The following NCBP3 variants were observed in gnomAD, a reference collection of about 807,000 sequenced individuals.
NCBP3 encodes nuclear cap-binding protein subunit 3.
Under a neutral mutation model 75.7 loss-of-function variants are expected in NCBP3, and 20 were observed. The ratio of observed to expected loss-of-function variants is 0.26; its 90% confidence interval spans 0.19 to 0.38. NCBP3 has a LOEUF of 0.38. NCBP3 is among the 10% of genes least tolerant of loss of function. The pLI is 1.00. For synonymous variants in NCBP3, 293 were observed against 290.5 expected (o/e 1.01, Z -0.09); for missense variants, 678 against 796.9 (o/e 0.85, Z 1.80).
intron 2 of NCBP3, among the ~76,000 whole-genome samples, chr17:3,841,601 TC>T (rs778619624): frequency 5.8e-5 from 8 of 139,066 alleles, no homozygotes; most frequent in Non-Finnish European, 1.3e-4. Context: ...CAATTCTCTC[TC>T]TTTTTTTTTT....
At chr17:3,820,347 T>C (rs1339749678) in intron 9 of NCBP3, among the ~76,000 whole-genome samples, 1 of 152,242 alleles carries the variant, frequency 6.6e-6, no homozygotes, top group Non-Finnish European at 1.5e-5. Context: ...CCCATTACAA[T>C]GATAAATGTG....
chr17:3,818,595 C>T lies in NCBP3; in HGVS notation c.1001-23G>A. Reference sequence around the variant, plus strand: ...GCCCTGAAGAAATTTAACCAGAAAACATTAGGAAAAGCACTAAAATTAACA... The same window carrying T: ...GCCCTGAAGAAATTTAACCAGAAAATATTAGGAAAAGCACTAAAATTAACA... On this transcript the variant is annotated intron_variant, in intron 9 of 12. Coordinates refer to ENST00000389005, the MANE Select transcript of NCBP3 (RefSeq NM_001114118.3). This position sits in a 1 kb window ranked among gnomAD's most constrained non-coding sequence, Gnocchi z 4.7. The T allele has an allele frequency of 6.3e-7, 1 of 1,575,058 alleles. No individual in the cohort carries two copies. Among genetic ancestry groups the T allele is most frequent in the Non-Finnish European group, 8.6e-7 (1 of 1,166,362 alleles).
chr17:3,826,319 G>C (rs2053782733), intron 4 of NCBP3, 104 bp from the exon 5 acceptor site: 1 of 1,104,370 alleles, frequency 9.1e-7, no homozygotes, highest in South Asian at 1.7e-5. Context: ...TCTAGCAACA[G>C]ATTATCATCA....
intron 4 of NCBP3, among the ~76,000 whole-genome samples, chr17:3,828,201 G>T (rs186051555): frequency 2.0e-5 from 3 of 152,308 alleles, no homozygotes; most frequent in African/African-American, 7.2e-5. Context: ...TTACAGGCCT[G>T]AGCCACCGTG....
chr17:3,842,635 T>C (rs1385183762), intron 2 of NCBP3, among the ~76,000 whole-genome samples: 1 of 152,186 alleles, frequency 6.6e-6, no homozygotes, highest in African/African-American at 2.4e-5. Context: ...GCCTGTACCG[T>C]TTCAGGATGC....
At chr17:3,838,333 G>A (rs1175097550) in intron 3 of NCBP3, among the ~76,000 whole-genome samples, 8 of 152,268 alleles carry the variant, frequency 5.3e-5, no homozygotes, top group Non-Finnish European at 1.0e-4. Context: ...AGGTCGACAG[G>A]TGTGATAAAG....
intron 12 of NCBP3, among the ~76,000 whole-genome samples, chr17:3,813,585 G>A (rs550880174): frequency 4.6e-5 from 7 of 152,310 alleles, no homozygotes; most frequent in African/African-American, 1.7e-4. Flanking sequence ...GCCCTTCCCT[G>A]CTGAGACACC....
chr17:3,826,664 G>A (rs566126483), intron 4 of NCBP3, among the ~76,000 whole-genome samples: 10 of 142,196 alleles, frequency 7.0e-5, no homozygotes, highest in Non-Finnish European at 1.2e-4. Context: ...AAATAAAAAA[G>A]AAAGAAAGAA....
chr17:3,815,263 A>G (rs752856027), intron 11 of NCBP3, among the ~76,000 whole-genome samples: 8 of 152,194 alleles, frequency 5.3e-5, no homozygotes, highest in South Asian at 2.1e-4. Context: ...GTTACTTCTC[A>G]TGTAAAAAAA....
chr17:3,826,723 GGAGA>G (rs1277030116), intron 4 of NCBP3, among the ~76,000 whole-genome samples: 1 of 146,526 alleles, frequency 6.8e-6, no homozygotes, highest in African/African-American at 2.6e-5. Context: ...AAGGAAGGAA[GGAGA>G]GAGAGAGATG....
Position 3,812,533 on chromosome 17 carries a change from G to C in NCBP3, c.*511C>G. ...TGCACCTCTGAGGTCAGGTCCGTGA[G>C]ATTCGCCCCACACTAGGGTCCCGGA... On this transcript the variant is annotated 3_prime_UTR_variant, in exon 13 of 13. Transcript: ENST00000389005. 1 of 1,001,248 alleles carries C rather than the reference G, an allele frequency of 1.0e-6. No individual in the cohort carries two copies. Among genetic ancestry groups the C allele is most frequent in the Non-Finnish European group, 1.2e-6 (1 of 839,302 alleles). 62.0% of individuals were successfully genotyped at this position (1,001,248 alleles called of 1,614,324 possible).
At chr17:3,845,532 C>A (rs1346292059) in intron 1 of NCBP3, among the ~76,000 whole-genome samples, 1 of 152,142 alleles carries the variant, frequency 6.6e-6, no homozygotes, top group Non-Finnish European at 1.5e-5. Flanking sequence ...CCCGAAGTCA[C>A]GACAGAAACA....
At position 3,832,499 on chromosome 17, in the gene NCBP3, CAG is replaced by C. The variant is rs1373494862; in HGVS notation, c.356-3133_356-3132del. Among the ~76,000 whole-genome samples the C allele has an allele frequency of 5.9e-5, 7 of 119,286 alleles. 3 individuals carry two copies. The East Asian group carries it at 1.3e-3, about 23-fold the overall frequency. 78.3% of individuals were successfully genotyped at this position (119,286 alleles called of 152,430 possible). ...CAAAACAATTAGCCAGGTGTGGTGG[CAG>C]GCACCTGTAGTCCCAGCTACTCGGG... On this transcript the variant is annotated intron_variant, in intron 3 of 12. Transcript: ENST00000389005.
chr17:3,808,106 T>C lies in NCBP3; in HGVS notation c.*4938A>G, dbSNP rs1233987196. 6.6e-6 allele frequency: 1 copy of C among 152,252 alleles called. No homozygotes were observed. Among genetic ancestry groups the C allele is most frequent in the Admixed American group, 6.5e-5 (1 of 15,286 alleles). 9.4% of individuals were successfully genotyped at this position (152,252 alleles called of 1,614,324 possible). On this transcript the variant is annotated 3_prime_UTR_variant, in exon 13 of 13. Transcript: ENST00000389005. The stretch of plus-strand genomic sequence containing the variant: ...GGCCCGGGCAAGCTCATGCCTCTGC[T>C]GCACCTGCGGCCTGCCTCAGTTCCC...
In NCBP3 at chr17:3,812,372, TA is replaced by T; in HGVS notation, c.*671del. 4.9e-6 allele frequency: 2 copies of T among 405,672 alleles called. No individual in the cohort carries two copies. Among genetic ancestry groups the T allele is most frequent in the Non-Finnish European group, 6.7e-6 (2 of 299,552 alleles). The allele number at this position is 405,672 out of a possible 1,614,324, so 25.1% of individuals were successfully genotyped here. Reference sequence around the variant, plus strand: ...TCCAGACGTCACAGTTTTTTGTTCCTAAAAATCCCACAGCACTGAACTTGAT... The same window carrying T: ...TCCAGACGTCACAGTTTTTTGTTCCTAAAATCCCACAGCACTGAACTTGAT... On this transcript the variant is annotated 3_prime_UTR_variant, in exon 13 of 13. Transcript: ENST00000389005.
Position 3,811,213 on chromosome 17 carries a change from G to A in NCBP3, c.*1831C>T, listed in dbSNP as rs1179540989. The A allele has an allele frequency of 3.9e-5, 6 of 152,436 alleles. No homozygotes were observed. The highest frequency in any genetic ancestry group is 1.4e-4 in the African/African-American group (6 of 41,540). 9.4% of individuals were successfully genotyped at this position (152,436 alleles called of 1,614,324 possible). A position where few individuals can be genotyped will look rare whatever the true frequency, so the allele number is the denominator to read the frequency against. On this transcript the variant is annotated 3_prime_UTR_variant, in exon 13 of 13. Coordinates refer to ENST00000389005, the MANE Select transcript of NCBP3 (RefSeq NM_001114118.3). Reference sequence around the variant, plus strand: ...TCAACTGCTAGACGGGAAAACTGAGGCCCAGGTCCATGGAGCAGAGCCAGG... The same window carrying A: ...TCAACTGCTAGACGGGAAAACTGAGACCCAGGTCCATGGAGCAGAGCCAGG...
chr17:3,816,390 A>G, intron 10 of NCBP3, 120 bp from the exon 11 acceptor site: 1 of 821,422 alleles, frequency 1.2e-6, no homozygotes, highest in South Asian at 1.8e-5. Context: ...CATGGCCAAC[A>G]TTCACTTACA....
At chr17:3,827,473 G>C (rs544173506) in intron 4 of NCBP3, among the ~76,000 whole-genome samples, 1 of 152,384 alleles carries the variant, frequency 6.6e-6, no homozygotes, top group South Asian at 2.1e-4. Flanking sequence ...ATGACAGCCA[G>C]TTGGCTTTGT....
Position 3,816,170 on chromosome 17 carries a change from C to T in NCBP3, c.1411G>A (p.Asp471Asn). 2 of 1,614,162 alleles carry T rather than the reference C, an allele frequency of 1.2e-6. No individual in the cohort carries two copies. The highest frequency in any genetic ancestry group is 3.3e-5 in the Admixed American group (2 of 60,024). Residue 471 changes from aspartate (D) to asparagine (N), a missense_variant, in exon 11 of 13, where the codon GAT becomes AAT. By Grantham distance (23) the Asp-to-Asn change is conservative (BLOSUM62 1). Transcript: ENST00000389005. The stretch of plus-strand genomic sequence containing the variant: ...GGACGGGAGTGCTGACGTTTCTCAT[C>T]TAATAGATGTCGGACATCTGCAAAT... ...EKFADVRHLL[D>N]EKRQHSRPRP...
Sources: gnomAD v4.1 joint callset for allele counts (sites outside exome capture counted in the v4.1 genomes callset) on GRCh38, gnomAD v4.1.1 for gene constraint, Gnocchi (gnomAD v3.1) non-coding constraint, MANE v1.5 for transcripts, NCBI Gene and HGNC (gene_info 2026-07-23, HGNC 2026-07-21) for gene names.